MYZAP: variants seen among roughly 807,000 people sequenced by gnomAD.
The protein encoded by MYZAP is myocardial zonula adherens protein, also known as GRINL1A complex locus upstream.
A neutral mutation model predicts 69.4 loss-of-function variants in MYZAP; 66 were observed. That is an observed-to-expected ratio of 0.95 (90% CI 0.78 to 1.17). MYZAP has a LOEUF of 1.17. Ranked by LOEUF, MYZAP falls within the 50% of genes most tolerant of loss-of-function variation. MYZAP has a pLI of 0.00. For synonymous variants in MYZAP, 256 were observed against 205.9 expected, an observed-to-expected ratio of 1.24 and a Z score of -2.09; for missense variants, 611 against 556.2, an observed-to-expected ratio of 1.10 and a Z score of -0.99.
At chr15:57,658,113 GA>G (rs2038094265) in intron 10 of MYZAP, among the ~76,000 whole-genome samples, 1 of 152,140 alleles carries the variant, frequency 6.6e-6, no homozygotes, top group South Asian at 2.1e-4. Flanking sequence ...ACTTGATAAT[GA>G]AAATGCCAAA....
intron 2 of MYZAP, 117 bp downstream of exon 2, chr15:57,604,472 A>T (rs2034615577): frequency 9.2e-7 from 1 of 1,081,380 alleles, no homozygotes; most frequent in African/African-American, 1.6e-5. Flanking sequence ...TCTGTTGAGG[A>T]GAAGGCCCTC....
chr15:57,677,890 T>C lies in MYZAP; in HGVS notation c.1304+2822T>C, dbSNP rs983153621. Among the ~76,000 whole-genome samples, 8 of 151,948 alleles carry C rather than the reference T, an allele frequency of 5.3e-5. No individual in the cohort carries two copies. In the South Asian group the frequency reaches 1.4e-3, roughly 28 times the overall value. On this transcript the variant is annotated intron_variant, in intron 12 of 12. Transcript: ENST00000267853. Reference sequence around the variant, plus strand: ...AAACCTCATTGGGTTGCTTTGAAGATTAAATAAAAATGTGTACATAAAGCA... The same window carrying C: ...AAACCTCATTGGGTTGCTTTGAAGACTAAATAAAAATGTGTACATAAAGCA...
intron 10 of MYZAP, among the ~76,000 whole-genome samples, chr15:57,654,985 G>A (rs2037938053): frequency 6.6e-6 from 1 of 152,064 alleles, no homozygotes; most frequent in Admixed American, 6.6e-5. Flanking sequence ...TCTTTTATAT[G>A]AGATAATTGA....
chr15:57,678,151 C>G (rs1022648950), intron 12 of MYZAP, among the ~76,000 whole-genome samples: 1 of 152,000 alleles, frequency 6.6e-6, no homozygotes, highest in African/African-American at 2.4e-5. Flanking sequence ...TGCCTGAGCT[C>G]CAGAGTTCAA....
intron 10 of MYZAP, among the ~76,000 whole-genome samples, chr15:57,655,172 T>C (rs1209674870): frequency 6.6e-6 from 1 of 152,046 alleles, no homozygotes; most frequent in African/African-American, 2.4e-5. Flanking sequence ...CCTAGGTGAC[T>C]GTGGGTAGAT....
chr15:57,596,167 G>T (rs1293846861), intron 1 of MYZAP, among the ~76,000 whole-genome samples: 1 of 152,144 alleles, frequency 6.6e-6, no homozygotes, highest in East Asian at 1.9e-4. Context: ...TTTCTACAAA[G>T]GATATGGAAT....
intron 11 of MYZAP, among the ~76,000 whole-genome samples, chr15:57,667,100 T>C (rs1397495245): frequency 6.6e-6 from 1 of 152,216 alleles, no homozygotes. Flanking sequence ...GTCTTGGTTT[T>C]GTCCATCCTG....
At chr15:57,599,300 T>C (rs1356198590) in intron 1 of MYZAP, 1 of 228,512 alleles carries the variant, frequency 4.4e-6, no homozygotes, top group African/African-American at 2.3e-5. Context: ...CAAGTGTTCT[T>C]GATTGCCTTG....
chr15:57,674,033 T>A (rs1467268367), intron 11 of MYZAP, among the ~76,000 whole-genome samples: 1 of 152,246 alleles, frequency 6.6e-6, no homozygotes, highest in East Asian at 1.9e-4. Flanking sequence ...CACTGCTTCA[T>A]GAACATTTAG....
At chr15:57,649,865 T>C (rs1225946903) in intron 10 of MYZAP, among the ~76,000 whole-genome samples, 1 of 152,202 alleles carries the variant, frequency 6.6e-6, no homozygotes, top group East Asian at 1.9e-4. Flanking sequence ...ATAGCACTTA[T>C]CATCCAATAA....
At position 57,661,322 on chromosome 15, in the gene MYZAP, G is replaced by A. The variant is rs1382153453; in HGVS notation, c.1120-128G>A. On this transcript the variant is annotated intron_variant, in intron 10 of 12. Coordinates refer to ENST00000267853, the MANE Select transcript of MYZAP (RefSeq NM_001018100.5). The stretch of plus-strand genomic sequence containing the variant: ...TCAATGAAAACCATCCAGCCCCACT[G>A]GAAATGAGGAAAAATAGAAATAGAA... 10 of 756,576 alleles carry A rather than the reference G, an allele frequency of 1.3e-5. No homozygotes were observed. In the African/African-American group the frequency reaches 1.6e-4, roughly 12 times the overall value. 46.9% of individuals were successfully genotyped at this position (756,576 alleles called of 1,614,324 possible).
intron 2 of MYZAP, among the ~76,000 whole-genome samples, chr15:57,606,012 G>T (rs1320570510): frequency 6.6e-6 from 1 of 151,968 alleles, no homozygotes. Flanking sequence ...AATAGGGAAG[G>T]CTCCCTTTTT....
At chr15:57,604,149 A>G (rs2034589630) in intron 1 of MYZAP, 120 bp from the exon 2 acceptor site, 1 of 1,065,776 alleles carries the variant, frequency 9.4e-7, no homozygotes, top group Non-Finnish European at 1.4e-6. Context: ...CTCCTGTATG[A>G]TCAGGACAGT....
chr15:57,633,773 T>G (rs2036650257), intron 8 of MYZAP, 32 bp downstream of exon 8: 1 of 1,487,332 alleles, frequency 6.7e-7, no homozygotes, highest in Non-Finnish European at 9.0e-7. Context: ...ATTGCCCACT[T>G]GCCCAAACTT....
chr15:57,592,894 A>G (rs1167205480), intron 1 of MYZAP, among the ~76,000 whole-genome samples: 3 of 152,248 alleles, frequency 2.0e-5, no homozygotes, highest in South Asian at 2.1e-4. Flanking sequence ...ATGATGTTCA[A>G]TACTTATCAT....
intron 10 of MYZAP, among the ~76,000 whole-genome samples, chr15:57,642,585 G>T (rs1292257582): frequency 4.6e-5 from 7 of 152,140 alleles, no homozygotes; most frequent in African/African-American, 1.4e-4. Flanking sequence ...ATGGATGGAA[G>T]TCTCGTCTCC....
intron 2 of MYZAP, among the ~76,000 whole-genome samples, chr15:57,609,026 C>G (rs1400762690): frequency 6.6e-6 from 1 of 152,144 alleles, no homozygotes; most frequent in Non-Finnish European, 1.5e-5. Context: ...CCCAGGCTGC[C>G]CCTTTCACTT....
chr15:57,675,236 G>A (rs1246572350), intron 12 of MYZAP, among the ~76,000 whole-genome samples, 168 bp downstream of exon 12: 1 of 152,188 alleles, frequency 6.6e-6, no homozygotes, highest in African/African-American at 2.4e-5. Flanking sequence ...AGGAACAGGG[G>A]CATTGTGCAG....
chr15:57,644,671 G>A (rs1356205522), intron 10 of MYZAP, among the ~76,000 whole-genome samples: 1 of 152,022 alleles, frequency 6.6e-6, no homozygotes, highest in Admixed American at 6.6e-5. Context: ...TCACTATGTT[G>A]TTCAGCTGGT....
Sources: gnomAD v4.1 joint callset for allele counts (sites outside exome capture counted in the v4.1 genomes callset) on GRCh38, gnomAD v4.1.1 for gene constraint, MANE v1.5 for transcripts, NCBI Gene and HGNC (gene_info 2026-07-23, HGNC 2026-07-21) for gene names.